The following PHF3 variants were observed in gnomAD, a reference collection of about 807,000 sequenced individuals.
The protein encoded by PHF3 is PHD finger protein 3.
In PHF3, 41 loss-of-function variants were observed where a neutral mutation model predicts 178.4. That is an observed-to-expected ratio of 0.23 (90% CI 0.18 to 0.30). The LOEUF is 0.30. Ranked by LOEUF, PHF3 falls within the 10% of genes least tolerant of loss-of-function variation. The pLI is 1.00. For missense variants in PHF3, 2,346 were observed against 2,398.1 expected (o/e 0.98, Z 0.45); for synonymous variants, 842 against 800.5 (o/e 1.05, Z -0.88).
rs1327141455 is a variant in PHF3 at position 63,718,345 on chromosome 6, C to T, written c.*4637C>T. On this transcript the variant is annotated 3_prime_UTR_variant, in exon 16 of 16. Transcript: ENST00000262043. The stretch of plus-strand genomic sequence containing the variant: ...ATTCTCAAACTTTTGTTTTCAAGAC[C>T]CCTTACACTCTTAAAAATTGAGAAT... 6.6e-6 allele frequency among the ~76,000 whole-genome samples: 1 copy of T among 151,778 alleles called. No individual in the cohort carries two copies. Among genetic ancestry groups the T allele is most frequent in the Non-Finnish European group, 1.5e-5 (1 of 67,906 alleles).
chr6:63,684,405 T>C lies in PHF3; in HGVS notation c.683T>C (p.Met228Thr), dbSNP rs754902253. Residue 228 changes from methionine to threonine, a missense_variant, in exon 4 of 16, where the codon ATG (methionine) becomes ACG (threonine). Transcript: ENST00000262043. ...SHSSVSSCLE[M>T]KDEDGLDSKH... ...TCTTCAGTGTCATCTTGTCTTGAAA[T>C]GAAGGATGAAGATGGATTAGATTCT... The C allele has an allele frequency of 6.2e-7, 1 of 1,614,016 alleles. No homozygotes were observed. Among genetic ancestry groups the C allele is most frequent in the Non-Finnish European group, 8.5e-7 (1 of 1,179,892 alleles).
In PHF3 at chr6:63,706,196, C is replaced by G; in HGVS notation, c.3535C>G (p.Pro1179Ala). ...CTTTGAGGAGGAGAAACAGGAGTCT[C>G]CAAAGTCAACGTTCTCTCCTGCTCC... ...EFFEEEKQES[P>A]KSTFSPAPRP... Residue 1179 changes from proline (P) to alanine (A), a missense_variant, in exon 12 of 16, where the codon CCA becomes GCA. Transcript: ENST00000262043. 1.2e-6 allele frequency: 2 copies of G among 1,613,536 alleles called. No homozygotes were observed. Among genetic ancestry groups the G allele is most frequent in the Non-Finnish European group, 1.7e-6 (2 of 1,179,728 alleles).
chr6:63,684,633 C>A lies in PHF3; in HGVS notation c.911C>A (p.Thr304Lys). ...HEQNDSISGK[T>K]GETVVEEMIA... ...CAAAATGATTCCATTTCAGGTAAAA[C>A]GGGTGAGACTGTTGTTGAAGAAATG... Residue 304 changes from threonine (T) to lysine (K), a missense_variant, in exon 4 of 16, where the codon ACG (threonine) becomes AAG (lysine). Transcript: ENST00000262043. 2 of 1,613,774 alleles carry A rather than the reference C, an allele frequency of 1.2e-6. No individual in the cohort carries two copies. The highest frequency in any genetic ancestry group is 1.7e-6 in the Non-Finnish European group (2 of 1,179,886).
At chr6:63,675,330 T>C (rs1766117950) in intron 2 of PHF3, among the ~76,000 whole-genome samples, 1 of 152,240 alleles carries the variant, frequency 6.6e-6, no homozygotes, top group Admixed American at 6.5e-5. Context: ...GTGATGATTA[T>C]GCTGGCAGCA....
chr6:63,680,202 T>A, intron 3 of PHF3, 41 bp downstream of exon 3: 2 of 1,492,944 alleles, frequency 1.3e-6, no homozygotes, highest in Non-Finnish European at 1.8e-6. Context: ...ATTAGAGGTA[T>A]AGGGACAGAT....
chr6:63,710,512 CATT>C (rs367830907), intron 14 of PHF3, among the ~76,000 whole-genome samples: 100 of 152,204 alleles, frequency 6.6e-4, no homozygotes, highest in African/African-American at 7.2e-4. Context: ...TGAAAAAAAA[CATT>C]GTTGTTGAAC....
chr6:63,666,275 C>T (rs1443128693), intron 2 of PHF3, among the ~76,000 whole-genome samples: 1 of 152,024 alleles, frequency 6.6e-6, no homozygotes, highest in East Asian at 1.9e-4. Flanking sequence ...GACTTTTAGT[C>T]TTCATGAGAT....
chr6:63,684,481 A>G lies in PHF3; in HGVS notation c.759A>G (p.Leu253=). Residue 253 remains leucine (L), a synonymous_variant, in exon 4 of 16, where the codon TTA becomes TTG. Coordinates refer to ENST00000262043, the MANE Select transcript of PHF3 (RefSeq NM_001370348.2). ...PGEIDVPSHE[L]NCSLLSETCV... ...AAATAGATGTGCCATCTCATGAATT[A>G]AATTGTTCACTTCTTTCAGAGACTT... is the stretch of plus-strand genomic sequence containing the variant. 6.2e-7 allele frequency: 1 copy of G among 1,613,820 alleles called. No homozygotes were observed. Among genetic ancestry groups the G allele is most frequent in the Non-Finnish European group, 8.5e-7 (1 of 1,179,758 alleles).
intron 1 of PHF3, among the ~76,000 whole-genome samples, chr6:63,641,047 G>C (rs577464323): frequency 6.6e-6 from 1 of 152,218 alleles, no homozygotes; most frequent in African/African-American, 2.4e-5. Context: ...TTGAGCACAA[G>C]AAGTTTTGTT....
chr6:63,668,065 C>T (rs1466918483), intron 2 of PHF3, among the ~76,000 whole-genome samples: 2 of 152,310 alleles, frequency 1.3e-5, no homozygotes, highest in Non-Finnish European at 2.9e-5. Context: ...TGGTTTTATG[C>T]ATCCATTGAT....
At chr6:63,688,589 C>T (rs916770270) in intron 4 of PHF3, among the ~76,000 whole-genome samples, 13 of 151,826 alleles carry the variant, frequency 8.6e-5, no homozygotes, top group Non-Finnish European at 1.5e-5. Context: ...CCCGCCTCAG[C>T]CTCCCAAAGT....
intron 4 of PHF3, chr6:63,686,124 T>C (rs2149585432): frequency 2.0e-6 from 1 of 508,896 alleles, no homozygotes; most frequent in South Asian, 3.4e-5. Flanking sequence ...AAAAGCATAG[T>C]CTGGCCAACA....
Position 63,722,056 on chromosome 6 carries a change from A to G in PHF3, c.*8348A>G, listed in dbSNP as rs1301153555. 1.3e-5 allele frequency among the ~76,000 whole-genome samples: 2 copies of G among 152,090 alleles called. No individual in the cohort carries two copies. The highest frequency in any genetic ancestry group is 4.8e-5 in the African/African-American group (2 of 41,416). ...CATTGAATGAATATATTGTGGTAGT[A>G]AGTTAAAGTGAGGTTTTTCTTCAAA... On this transcript the variant is annotated 3_prime_UTR_variant, in exon 16 of 16. Transcript: ENST00000262043.
chr6:63,703,794 C>T, intron 11 of PHF3, 123 bp downstream of exon 11: 2 of 883,684 alleles, frequency 2.3e-6, no homozygotes, highest in Non-Finnish European at 3.4e-6. Flanking sequence ...CACTCACTCA[C>T]AGTCTTTAAG....
rs538393627 is a variant in PHF3 at position 63,667,979 on chromosome 6, G to T, written c.245-12021G>T. On this transcript the variant is annotated intron_variant, in intron 2 of 15. Coordinates refer to ENST00000262043, the MANE Select transcript of PHF3 (RefSeq NM_001370348.2). Reference sequence around the variant, plus strand: ...AAATCTCTTCTTCCTAAATACTTGAGATGGCAAGTAATCTGCACAGCGATG... The same window carrying T: ...AAATCTCTTCTTCCTAAATACTTGATATGGCAAGTAATCTGCACAGCGATG... Among the ~76,000 whole-genome samples, 6 of 152,292 alleles carry T rather than the reference G, an allele frequency of 3.9e-5. No individual in the cohort carries two copies. In the South Asian group the frequency reaches 1.0e-3, roughly 26 times the overall value.
At chr6:63,668,813 A>C (rs1765787056) in intron 2 of PHF3, among the ~76,000 whole-genome samples, 1 of 152,150 alleles carries the variant, frequency 6.6e-6, no homozygotes, top group South Asian at 2.1e-4. Flanking sequence ...ACTGTTATAG[A>C]GGCAGAATGC....
intron 1 of PHF3, among the ~76,000 whole-genome samples, chr6:63,640,008 C>G (rs747330421): frequency 5.3e-5 from 8 of 152,158 alleles, no homozygotes; most frequent in Non-Finnish European, 8.8e-5. Flanking sequence ...AGATCCTTTC[C>G]TAGGGACTTA....
chr6:63,644,719 A>T (rs183619988), intron 1 of PHF3, among the ~76,000 whole-genome samples: 4,099 of 151,662 alleles, frequency 0.027, 101 homozygotes, highest in African/African-American at 0.065. Flanking sequence ...CTTTTTTTTT[A>T]AAAAAAATTG....
At position 63,714,761 on chromosome 6, in the gene PHF3, C is replaced by G. The variant is rs1269123540; in HGVS notation, c.*1053C>G. On this transcript the variant is annotated 3_prime_UTR_variant, in exon 16 of 16. Transcript: ENST00000262043. ...CAATTTGGTACTCTGACTCACTAAT[C>G]ATTAAAATTAAAGACCGCAGAACTT... 1.3e-5 allele frequency: 2 copies of G among 151,944 alleles called. No individual in the cohort carries two copies. Among genetic ancestry groups the G allele is most frequent in the East Asian group, 3.9e-4 (2 of 5,190 alleles). The allele number at this position is 151,944 out of a possible 1,614,324, so 9.4% of individuals were successfully genotyped here.
Sources: allele counts gnomAD v4.1 joint callset (sites outside exome capture counted in the v4.1 genomes callset), GRCh38; gene constraint gnomAD v4.1.1; transcripts MANE v1.5; gene names NCBI Gene and HGNC (gene_info 2026-07-23, HGNC 2026-07-21).